Variants in L3MBTL4 observed in about 807,000 individuals in gnomAD.
L3MBTL4 encodes the protein L3MBTL histone methyl-lysine binding protein 4.
A neutral mutation model predicts 84.5 loss-of-function variants in L3MBTL4; 70 were observed. The ratio of observed to expected loss-of-function variants is 0.83; its 90% confidence interval spans 0.68 to 1.01. The LOEUF is 1.01. Among genes scored for constraint, L3MBTL4 ranks in the 50% least tolerant of loss-of-function variants. The pLI is 0.00. For missense variants in L3MBTL4, 715 were observed against 754.8 expected (o/e 0.95, Z 0.62); for synonymous variants, 274 against 259.8 (o/e 1.05, Z -0.52).
At chr18:6,359,780 G>C (rs1046902486) in intron 1 of L3MBTL4, among the ~76,000 whole-genome samples, 4 of 152,074 alleles carry the variant, frequency 2.6e-5, no homozygotes, top group African/African-American at 9.6e-5. Context: ...GTGCTTTACA[G>C]ACTTATGTTT....
chr18:6,078,426 C>CAAAAAAAAAAAAAAAAAAAAAAAAA (rs1200685986), intron 16 of L3MBTL4, among the ~76,000 whole-genome samples: 1 of 34,878 alleles, frequency 2.9e-5, no homozygotes, highest in African/African-American at 9.4e-5. Context: ...GAGTCCACCT[C>CAAAAAAAAAAAAAAAAAAAAAAAAA]AAAAAAAAAA....
At position 5,984,131 on chromosome 18, in the gene L3MBTL4, T is replaced by C. The variant is rs2053361860; in HGVS notation, c.1445-14569A>G. Among the ~76,000 whole-genome samples the C allele has an allele frequency of 2.0e-5, 3 of 152,158 alleles. No homozygotes were observed. The South Asian group carries it at 6.2e-4, about 32-fold the overall frequency. ...TTCACCATGTTGGCCAGGCTGGTCT[T>C]GAACTCCTGACCTCAGGTGATCTGC... On this transcript the variant is annotated intron_variant, in intron 16 of 18. Transcript: ENST00000317931.
chr18:6,363,393 C>T (rs1441192825), intron 1 of L3MBTL4, among the ~76,000 whole-genome samples: 1 of 152,122 alleles, frequency 6.6e-6, no homozygotes, highest in African/African-American at 2.4e-5. Flanking sequence ...CTTCCCACCA[C>T]CTCCAAACTG....
At chr18:6,140,170 C>T (rs2060153079) in intron 13 of L3MBTL4, among the ~76,000 whole-genome samples, 2 of 152,186 alleles carry the variant, frequency 1.3e-5, no homozygotes, top group African/African-American at 2.4e-5. Flanking sequence ...CCAACTGCTG[C>T]TGATGTTTTC....
At chr18:6,246,114 C>G (rs1294236553) in intron 5 of L3MBTL4, among the ~76,000 whole-genome samples, 1 of 152,070 alleles carries the variant, frequency 6.6e-6, no homozygotes, top group Non-Finnish European at 1.5e-5. Context: ...TCTGACCCCT[C>G]TCTTATGTTT....
At chr18:6,029,678 T>G (rs2055685859) in intron 16 of L3MBTL4, 2 of 985,326 alleles carry the variant, frequency 2.0e-6, no homozygotes, top group Non-Finnish European at 2.4e-6. Context: ...TGGGAACAGC[T>G]TACTATGGTC....
chr18:6,336,978 C>T (rs1168733434), intron 1 of L3MBTL4, among the ~76,000 whole-genome samples: 1 of 151,954 alleles, frequency 6.6e-6, no homozygotes, highest in Non-Finnish European at 1.5e-5. Flanking sequence ...TAAAAAGAAC[C>T]AAATGGAAAT....
intron 18 of L3MBTL4, 127 bp from the exon 19 acceptor site, chr18:5,956,514 A>C (rs1433838660): frequency 2.7e-6 from 2 of 748,418 alleles, no homozygotes; most frequent in Non-Finnish European, 4.4e-6. Context: ...CTCACCAGTG[A>C]GAGAGAATGA....
At chr18:6,245,845 C>A (rs182095283) in intron 5 of L3MBTL4, among the ~76,000 whole-genome samples, 54 of 152,268 alleles carry the variant, frequency 3.5e-4, no homozygotes, top group African/African-American at 1.3e-3. Flanking sequence ...CCCTCCTGAG[C>A]CTCCCAAAGG....
chr18:6,064,518 C>A (rs904758948), intron 16 of L3MBTL4, among the ~76,000 whole-genome samples: 3 of 151,516 alleles, frequency 2.0e-5, no homozygotes, highest in African/African-American at 4.8e-5. Flanking sequence ...CATGTTTGTG[C>A]CATCTATGAT....
intron 14 of L3MBTL4, among the ~76,000 whole-genome samples, chr18:6,111,147 A>T (rs2059183757): frequency 6.6e-6 from 1 of 152,140 alleles, no homozygotes; most frequent in African/African-American, 2.4e-5. Context: ...GGAGCCGGAG[A>T]GGTGAGAAAG....
intron 3 of L3MBTL4, among the ~76,000 whole-genome samples, chr18:6,305,302 A>G (rs1006522602): frequency 6.6e-6 from 1 of 152,208 alleles, no homozygotes; most frequent in African/African-American, 2.4e-5. Context: ...CTTTGAACAA[A>G]TGACCTACAT....
chr18:6,013,194 T>C (rs1380987429), intron 16 of L3MBTL4, among the ~76,000 whole-genome samples: 2 of 152,148 alleles, frequency 1.3e-5, no homozygotes, highest in African/African-American at 2.4e-5. Context: ...AATGAGGACC[T>C]AGAGGCAGGC....
At chr18:6,343,912 A>G (rs971176546) in intron 1 of L3MBTL4, among the ~76,000 whole-genome samples, 2 of 151,896 alleles carry the variant, frequency 1.3e-5, no homozygotes, top group Non-Finnish European at 2.9e-5. Flanking sequence ...AGCAGTGCTA[A>G]AAGTTTACAG....
At chr18:6,352,961 C>A (rs1391758282) in intron 1 of L3MBTL4, among the ~76,000 whole-genome samples, 1 of 151,982 alleles carries the variant, frequency 6.6e-6, no homozygotes, top group African/African-American at 2.4e-5. Context: ...AAGACAAATA[C>A]CTCCCGTAAC....
At chr18:6,391,281 G>T (rs532797738) in intron 1 of L3MBTL4, among the ~76,000 whole-genome samples, 74 of 152,092 alleles carry the variant, frequency 4.9e-4, no homozygotes, top group African/African-American at 1.7e-3. Flanking sequence ...ATAAAATCCA[G>T]CATCCTTTAT....
intron 1 of L3MBTL4, among the ~76,000 whole-genome samples, chr18:6,333,638 G>T (rs1401607963): frequency 6.6e-6 from 1 of 152,062 alleles, no homozygotes; most frequent in African/African-American, 2.4e-5. Context: ...GGATGCAGGT[G>T]GGGTGGGAAG....
chr18:6,356,686 T>C (rs2053460853), intron 1 of L3MBTL4: 1 of 152,184 alleles, frequency 6.6e-6, no homozygotes, highest in South Asian at 2.1e-4. Flanking sequence ...TCACTTACCA[T>C]GAATGGAGCT....
rs2060045031 is a variant in L3MBTL4 at position 6,136,944 on chromosome 18, G to A, written c.1199+1250C>T. Among the ~76,000 whole-genome samples the A allele has an allele frequency of 2.0e-5, 3 of 152,314 alleles. No homozygotes were observed. The South Asian group carries it at 6.2e-4, about 32-fold the overall frequency. On this transcript the variant is annotated intron_variant, in intron 14 of 18. Coordinates refer to ENST00000317931, the MANE Select transcript of L3MBTL4 (RefSeq NM_001330559.2). ...AAAAACCCCAAGGCAAGGCCTAAAT[G>A]GCTCACTTGACTTTCTCAAGTTGCC...
Sources: allele counts gnomAD v4.1 joint callset (sites outside exome capture counted in the v4.1 genomes callset), GRCh38; gene constraint gnomAD v4.1.1; transcripts MANE v1.5; gene names NCBI Gene and HGNC (gene_info 2026-07-23, HGNC 2026-07-21).